NFATC2: variants seen among roughly 807,000 people sequenced by gnomAD.
NFATC2 encodes the protein nuclear factor of activated T cells 2, also known as nuclear factor of activated T-cells, cytoplasmic 2.
Under a neutral mutation model 87.3 loss-of-function variants are expected in NFATC2, and 22 were observed. The ratio of observed to expected loss-of-function variants is 0.25; its 90% CI spans 0.18 to 0.36. NFATC2 has a LOEUF of 0.36. Among genes scored for constraint, NFATC2 ranks in the 10% least tolerant of loss-of-function variants. NFATC2 has a pLI of 1.00. For synonymous variants in NFATC2, 565 were observed against 542.2 expected (o/e 1.04, Z -0.58); for missense variants, 1,149 against 1,259.1 (o/e 0.91, Z 1.32).
intron 6 of NFATC2, among the ~76,000 whole-genome samples, chr20:51,440,488 T>C (rs1022195934): frequency 3.9e-5 from 6 of 152,214 alleles, no homozygotes; most frequent in Non-Finnish European, 8.8e-5. Flanking sequence ...AAGTCTGTTA[T>C]GGGAGACTGC....
At chr20:51,485,887 T>A (rs1297697335) in intron 3 of NFATC2, among the ~76,000 whole-genome samples, 2 of 152,088 alleles carry the variant, frequency 1.3e-5, no homozygotes, top group Non-Finnish European at 2.9e-5. Context: ...TCTTTTCTGG[T>A]CTCAGTTCTT....
chr20:51,470,551 G>A (rs182965171), intron 5 of NFATC2, among the ~76,000 whole-genome samples: 1 of 152,148 alleles, frequency 6.6e-6, no homozygotes, highest in African/African-American at 2.4e-5. Context: ...TACATAAAAG[G>A]CATCTCCAAA....
intron 1 of NFATC2, among the ~76,000 whole-genome samples, chr20:51,525,986 G>C (rs540102297): frequency 1.5e-5 from 2 of 129,040 alleles, no homozygotes; most frequent in African/African-American, 3.0e-5. Flanking sequence ...CCTCTTCGCC[G>C]TACTTAAGCA....
intron 9 of NFATC2, among the ~76,000 whole-genome samples, chr20:51,426,553 T>G (rs537939700): frequency 6.6e-6 from 1 of 152,118 alleles, no homozygotes; most frequent in Admixed American, 6.5e-5. Context: ...CACTAACTCA[T>G]CATCCTCAGC....
At chr20:51,450,735 A>G (rs1026836472) in intron 6 of NFATC2, among the ~76,000 whole-genome samples, 10 of 152,196 alleles carry the variant, frequency 6.6e-5, no homozygotes, top group Non-Finnish European at 1.3e-4. Flanking sequence ...ATGAGACCAC[A>G]CACGGAAAGT....
chr20:51,517,020 T>C, intron 2 of NFATC2, 65 bp from the exon 3 acceptor site: 5 of 1,478,344 alleles, frequency 3.4e-6, no homozygotes, highest in South Asian at 1.3e-5. Context: ...TGTACAATAA[T>C]TGTAAACGGC....
intron 3 of NFATC2, among the ~76,000 whole-genome samples, chr20:51,501,167 C>T (rs2076084007): frequency 6.6e-6 from 1 of 151,990 alleles, no homozygotes; most frequent in African/African-American, 2.4e-5. Flanking sequence ...CAGCAGACAA[C>T]ACTTCCTCTA....
chr20:51,479,401 C>G (rs531652580), intron 3 of NFATC2, among the ~76,000 whole-genome samples: 1 of 150,800 alleles, frequency 6.6e-6, no homozygotes, highest in African/African-American at 2.4e-5. Flanking sequence ...GTAGATCTCT[C>G]GAGCCCAGAA....
Position 51,391,473 on chromosome 20 carries a change from G to C in NFATC2, c.*45-22C>G, listed in dbSNP as rs781068976. 6.2e-5 allele frequency: 98 copies of C among 1,590,532 alleles called. 3 individuals carry two copies. In the South Asian group the frequency reaches 7.6e-4, roughly 12 times the overall value. On this transcript the variant is annotated intron_variant, in intron 10 of 10. Coordinates refer to ENST00000371564, the MANE Select transcript of NFATC2 (RefSeq NM_012340.5). ...TTAACTACAAAAGAAAAGAGGAGGG[G>C]GGGGGAGAGAGAATGGGGCAAGTGA... is the stretch of plus-strand genomic sequence containing the variant.
At chr20:51,395,612 C>CTA (rs1459220630) in intron 10 of NFATC2, among the ~76,000 whole-genome samples, 34 of 151,076 alleles carry the variant, frequency 2.3e-4, no homozygotes, top group Non-Finnish European at 4.6e-4. Flanking sequence ...ACAGAGGTGC[C>CTA]CTAAAAGACT....
chr20:51,397,967 C>G lies in NFATC2; in HGVS notation c.*44+676G>C, dbSNP rs544258775. ...CTTCACACCCCAGGGCCTCCTGAAACCTGCACGATAAGGTCTTCTTAGCGG... is the reference window on the plus strand; with the variant it reads ...CTTCACACCCCAGGGCCTCCTGAAAGCTGCACGATAAGGTCTTCTTAGCGG... On this transcript the variant is annotated intron_variant, in intron 10 of 10. Transcript: ENST00000371564. Among the ~76,000 whole-genome samples, 5 of 152,304 alleles carry G rather than the reference C, an allele frequency of 3.3e-5. No homozygotes were observed. In the South Asian group the frequency reaches 6.2e-4, roughly 19 times the overall value.
At chr20:51,458,408 G>C (rs976628137) in intron 5 of NFATC2, among the ~76,000 whole-genome samples, 2 of 152,016 alleles carry the variant, frequency 1.3e-5, no homozygotes, top group African/African-American at 4.8e-5. Flanking sequence ...GGGAAGAGGG[G>C]TGCAAAATCA....
At chr20:51,410,225 A>AT (rs1979008912) in intron 9 of NFATC2, among the ~76,000 whole-genome samples, 1 of 151,706 alleles carries the variant, frequency 6.6e-6, no homozygotes, top group South Asian at 2.1e-4. Context: ...AAAAAAAAAA[A>AT]AAAGCGAAAT....
intron 3 of NFATC2, among the ~76,000 whole-genome samples, chr20:51,486,072 G>A (rs755832809): frequency 1.9e-4 from 29 of 152,022 alleles, no homozygotes; most frequent in Non-Finnish European, 2.4e-4. Context: ...TGACCCGAGC[G>A]TGGTGGCGTG....
chr20:51,396,760 G>A (rs577782475), intron 10 of NFATC2, among the ~76,000 whole-genome samples: 5 of 152,190 alleles, frequency 3.3e-5, no homozygotes, highest in Admixed American at 6.5e-5. Flanking sequence ...TCACTCCCAC[G>A]ACCCCTCCAT....
intron 5 of NFATC2, among the ~76,000 whole-genome samples, chr20:51,469,511 ACCCCCT>A (rs763072067): frequency 2.0e-5 from 3 of 151,762 alleles, no homozygotes; most frequent in African/African-American, 4.8e-5. Flanking sequence ...TACACATAGT[ACCCCCT>A]ACCCGACTCC....
chr20:51,477,574 T>TAA (rs1328781819), intron 3 of NFATC2, among the ~76,000 whole-genome samples: 7 of 69,676 alleles, frequency 1.0e-4, no homozygotes, highest in African/African-American at 1.3e-4. Context: ...TATATATATA[T>TAA]ATATATAAAA....
intron 3 of NFATC2, 127 bp from the exon 4 acceptor site, chr20:51,475,787 T>C: frequency 1.1e-6 from 1 of 910,730 alleles, no homozygotes; most frequent in Non-Finnish European, 1.6e-6. Flanking sequence ...TCTGGAAGAA[T>C]GGAGAACTGG....
intron 3 of NFATC2, among the ~76,000 whole-genome samples, chr20:51,497,240 C>T (rs924686816): frequency 1.2e-4 from 19 of 152,194 alleles, no homozygotes; most frequent in Non-Finnish European, 2.6e-4. Context: ...GTCTGCCTCA[C>T]GACTTCAACA....
Sources: allele counts gnomAD v4.1 joint callset (sites outside exome capture counted in the v4.1 genomes callset), GRCh38; gene constraint gnomAD v4.1.1; transcripts MANE v1.5; gene names NCBI Gene and HGNC (gene_info 2026-07-23, HGNC 2026-07-21).